ZRANB3: variants seen among roughly 807,000 people sequenced by gnomAD.
The protein encoded by ZRANB3 is DNA annealing helicase and endonuclease ZRANB3.
In ZRANB3, 125 loss-of-function variants were observed where a neutral mutation model predicts 133.8. The observed-to-expected ratio is 0.93, with a 90% CI of 0.81 to 1.08. ZRANB3 has a LOEUF of 1.08. ZRANB3 is among the 50% of genes least tolerant of loss of function. The pLI is 0.00. For missense variants in ZRANB3, 1,229 were observed against 1,275.5 expected, an observed-to-expected ratio of 0.96 and a Z score of 0.56; for synonymous variants, 387 against 432.7, an observed-to-expected ratio of 0.89 and a Z score of 1.31.
intron 2 of ZRANB3, among the ~76,000 whole-genome samples, chr2:135,473,538 T>TA (rs1691371081): frequency 6.7e-6 from 1 of 148,696 alleles, no homozygotes; most frequent in Admixed American, 6.7e-5. Flanking sequence ...AGATAGCTAG[T>TA]AATATGCTAA....
intron 2 of ZRANB3, among the ~76,000 whole-genome samples, chr2:135,493,921 A>G (rs1488482953): frequency 6.6e-6 from 1 of 152,216 alleles, no homozygotes; most frequent in Non-Finnish European, 1.5e-5. Flanking sequence ...ATTCAGAGGT[A>G]AAACAACATA....
intron 2 of ZRANB3, among the ~76,000 whole-genome samples, chr2:135,429,584 C>T (rs1294030550): frequency 2.0e-5 from 3 of 151,642 alleles, no homozygotes; most frequent in East Asian, 1.9e-4. Context: ...ACATCTATAC[C>T]GAGAAGGTAA....
chr2:135,379,190 T>A (rs1252715920), intron 3 of ZRANB3, among the ~76,000 whole-genome samples: 22 of 152,158 alleles, frequency 1.4e-4, no homozygotes. Flanking sequence ...AATTAAAAAT[T>A]TTTTTAAAAG....
chr2:135,222,130 C>T (rs1004137135), intron 15 of ZRANB3, among the ~76,000 whole-genome samples: 3 of 151,942 alleles, frequency 2.0e-5, no homozygotes, highest in Non-Finnish European at 4.4e-5. Context: ...TTAGGCTGGG[C>T]GTGGTGGCTC....
intron 3 of ZRANB3, among the ~76,000 whole-genome samples, chr2:135,379,949 T>C (rs1232561742): frequency 1.3e-5 from 2 of 151,278 alleles, no homozygotes; most frequent in Non-Finnish European, 2.9e-5. Flanking sequence ...AAGCTCCAAA[T>C]AAAGGGATGG....
At chr2:135,214,361 T>G (rs949185311) in intron 17 of ZRANB3, among the ~76,000 whole-genome samples, 7 of 152,068 alleles carry the variant, frequency 4.6e-5, no homozygotes, top group African/African-American at 1.4e-4. Flanking sequence ...CTGCTGCTTG[T>G]TAACACAAGT....
intron 12 of ZRANB3, among the ~76,000 whole-genome samples, chr2:135,264,775 C>T (rs1417256859): frequency 6.7e-6 from 1 of 148,774 alleles, no homozygotes; most frequent in Non-Finnish European, 1.5e-5. Context: ...GAGACACAGT[C>T]TCACTCTATC....
intron 2 of ZRANB3, among the ~76,000 whole-genome samples, chr2:135,489,314 G>T (rs374995202): frequency 3.6e-5 from 4 of 110,012 alleles, no homozygotes; most frequent in East Asian, 3.2e-4. Context: ...GTTGTGGGGT[G>T]GGGGGAGGGG....
intron 13 of ZRANB3, 88 bp from the exon 14 acceptor site, chr2:135,228,103 G>T: frequency 8.9e-7 from 1 of 1,117,320 alleles, no homozygotes; most frequent in South Asian, 1.7e-5. Context: ...CTTATAAAAA[G>T]AAAGTGAATA....
intron 2 of ZRANB3, among the ~76,000 whole-genome samples, chr2:135,485,888 T>C (rs1244436879): frequency 1.3e-5 from 2 of 152,240 alleles, no homozygotes; most frequent in African/African-American, 4.8e-5. Flanking sequence ...TCTTCTTATA[T>C]CTCCTCAGAC....
chr2:135,243,803 T>G (rs1443530179), intron 12 of ZRANB3, among the ~76,000 whole-genome samples: 2 of 151,964 alleles, frequency 1.3e-5, no homozygotes, highest in African/African-American at 4.8e-5. Flanking sequence ...TGTTACTGTT[T>G]AGACAAGGGT....
At chr2:135,374,893 A>C (rs992512430) in intron 3 of ZRANB3, among the ~76,000 whole-genome samples, 1 of 152,352 alleles carries the variant, frequency 6.6e-6, no homozygotes, top group East Asian at 1.9e-4. Context: ...ACATGGGTAT[A>C]AGATCTGAAC....
rs143840509 is a variant in ZRANB3, at chr2:135,511,742, G to A, written c.-7-7246C>T. The A allele has an allele frequency of 4.9e-4, 375 of 764,678 alleles. 4 individuals carry two copies. In the East Asian group the frequency reaches 8.3e-3, roughly 17 times the overall value. 47.4% of individuals were successfully genotyped at this position (764,678 alleles called of 1,614,324 possible). On this transcript the variant is annotated intron_variant, in intron 1 of 20. Transcript: ENST00000264159. The stretch of plus-strand genomic sequence containing the variant: ...TTGGTGTGGCAGTTGCTGAAGTTTC[G>A]TGACATCACTTTCCTGTGGATTTCT...
At chr2:135,483,958 T>C (rs1048908968) in intron 2 of ZRANB3, among the ~76,000 whole-genome samples, 1 of 152,222 alleles carries the variant, frequency 6.6e-6, no homozygotes, top group Non-Finnish European at 1.5e-5. Flanking sequence ...CTAGTTTGAT[T>C]GCACTGTGGT....
chr2:135,480,218 A>G (rs1422606998), intron 2 of ZRANB3, among the ~76,000 whole-genome samples: 1 of 151,922 alleles, frequency 6.6e-6, no homozygotes, highest in Non-Finnish European at 1.5e-5. Flanking sequence ...CTGGGATTAC[A>G]GGCGTGAGCC....
intron 12 of ZRANB3, among the ~76,000 whole-genome samples, chr2:135,262,279 T>C (rs557781399): frequency 2.9e-4 from 44 of 152,064 alleles, no homozygotes; most frequent in Non-Finnish European, 5.7e-4. Flanking sequence ...AGAAAAAAAT[T>C]GTACTAGACC....
intron 2 of ZRANB3, among the ~76,000 whole-genome samples, chr2:135,454,886 C>T (rs1201309642): frequency 6.6e-6 from 1 of 152,098 alleles, no homozygotes; most frequent in African/African-American, 2.4e-5. Flanking sequence ...GTGAATTGTG[C>T]TGTGGTCTTG....
At chr2:135,396,582 G>A (rs914029021) in intron 2 of ZRANB3, among the ~76,000 whole-genome samples, 7 of 152,160 alleles carry the variant, frequency 4.6e-5, no homozygotes, top group East Asian at 1.9e-4. Flanking sequence ...AACTTTGCAC[G>A]TTCTCACTTA....
In ZRANB3 at chr2:135,263,781, T is replaced by G. The variant is rs78142597; in HGVS notation, c.1539+1753A>C. On this transcript the variant is annotated intron_variant, in intron 12 of 20. Transcript: ENST00000264159. ...ATTGAAACCCCTAAGTTCATAGTAA[T>G]TTTTTTTTTTTTTAGACAGAGTCTC... Among the ~76,000 whole-genome samples, 448 of 142,844 alleles carry G rather than the reference T, an allele frequency of 3.1e-3. 2 individuals are homozygous for G. Among genetic ancestry groups the G allele is most frequent in the African/African-American group, 0.011 (424 of 39,488 alleles). The allele number at this position is 142,844 out of a possible 152,430, so 93.7% of individuals were successfully genotyped here.
Sources: gnomAD v4.1 joint callset for allele counts (sites outside exome capture counted in the v4.1 genomes callset) on GRCh38, gnomAD v4.1.1 for gene constraint, MANE v1.5 for transcripts, NCBI Gene and HGNC (gene_info 2026-07-23, HGNC 2026-07-21) for gene names.